Variants in RAPGEF5 observed in about 807,000 individuals in gnomAD.
RAPGEF5 encodes the protein Rap guanine nucleotide exchange factor 5, also known as M-Ras-regulated GEF.
In RAPGEF5, 65 loss-of-function variants were observed where a neutral mutation model predicts 125.2. That is an observed-to-expected ratio of 0.52 (90% CI 0.43 to 0.64). The LOEUF (loss-of-function observed/expected upper bound fraction) is 0.64. RAPGEF5 is among the 30% of genes least tolerant of loss of function. The probability of loss-of-function intolerance (pLI) is 0.00; values close to 1 mark genes in which losing one functional copy is unlikely to be tolerated. For synonymous variants in RAPGEF5, 391 were observed against 385.9 expected (o/e 1.01, Z -0.16); for missense variants, 958 against 1,048.1 (o/e 0.91, Z 1.19).
chr7:22,291,502 T>A (rs1205432799), intron 5 of RAPGEF5, among the ~76,000 whole-genome samples: 1 of 152,218 alleles, frequency 6.6e-6, no homozygotes, highest in Non-Finnish European at 1.5e-5. Flanking sequence ...CACCCCATGA[T>A]ACAGCAGAAT....
chr7:22,307,671 A>G (rs1365386293), intron 5 of RAPGEF5, among the ~76,000 whole-genome samples: 1 of 152,142 alleles, frequency 6.6e-6, no homozygotes, highest in Non-Finnish European at 1.5e-5. Context: ...GCCCCCGCTA[A>G]TATCATAGAA....
intron 11 of RAPGEF5, chr7:22,192,594 A>G (rs1231362931): frequency 6.6e-6 from 1 of 152,260 alleles, no homozygotes; most frequent in African/African-American, 2.4e-5. Flanking sequence ...TCAGAGGCCT[A>G]TTCATTGGAA....
intron 11 of RAPGEF5, among the ~76,000 whole-genome samples, chr7:22,176,775 C>T (rs991073420): frequency 6.6e-6 from 1 of 152,188 alleles, no homozygotes; most frequent in African/African-American, 2.4e-5. Context: ...AAATGATCCA[C>T]CCACCTCGGC....
intron 3 of RAPGEF5, among the ~76,000 whole-genome samples, chr7:22,311,027 GA>G (rs1351664290): frequency 2.6e-5 from 4 of 152,126 alleles, no homozygotes; most frequent in Admixed American, 6.5e-5. Flanking sequence ...AAAAGATCAT[GA>G]AAAAAAATTT....
chr7:22,342,621 AT>A (rs1308055721), intron 1 of RAPGEF5, among the ~76,000 whole-genome samples: 1 of 152,194 alleles, frequency 6.6e-6, no homozygotes, highest in East Asian at 1.9e-4. Context: ...CACCTCTTGA[AT>A]GCTTTGCTGC....
intron 10 of RAPGEF5, 126 bp from the exon 11 acceptor site, chr7:22,193,581 C>T: frequency 1.9e-6 from 3 of 1,551,460 alleles, no homozygotes; most frequent in Non-Finnish European, 2.6e-6. Context: ...TAGGCAAGGG[C>T]AGCTCTCGGT....
At chr7:22,268,382 G>A (rs1008908993) in intron 6 of RAPGEF5, among the ~76,000 whole-genome samples, 3 of 152,184 alleles carry the variant, frequency 2.0e-5, no homozygotes, top group African/African-American at 7.2e-5. Flanking sequence ...AGACAGAAGT[G>A]ATGAATGACC....
intron 24 of RAPGEF5, chr7:22,130,834 A>G (rs1302810238): frequency 6.1e-6 from 4 of 658,970 alleles, no homozygotes; most frequent in Non-Finnish European, 1.0e-5. Context: ...CCTTGCTAAC[A>G]TACTTGTTGT....
At chr7:22,273,670 C>A (rs1004994062) in intron 6 of RAPGEF5, among the ~76,000 whole-genome samples, 1 of 152,118 alleles carries the variant, frequency 6.6e-6, no homozygotes, top group African/African-American at 2.4e-5. Flanking sequence ...TAGTCTTCTA[C>A]GATTTTAAAC....
chr7:22,199,905 G>A (rs1785239095), intron 9 of RAPGEF5, among the ~76,000 whole-genome samples: 1 of 152,174 alleles, frequency 6.6e-6, no homozygotes, highest in Non-Finnish European at 1.5e-5. Flanking sequence ...CTGAAGCGGA[G>A]TGTATCAACA....
At position 22,179,614 on chromosome 7, in the gene RAPGEF5, T is replaced by C. The variant is rs566770829; in HGVS notation, c.1205-12466A>G. On this transcript the variant is annotated intron_variant, in intron 11 of 25. Transcript: ENST00000665637. ...AGGCATCCTAAACCACAGGGTGAGA[T>C]AGTACGTCTGCACAAGGTACAGGTC... is the stretch of plus-strand genomic sequence containing the variant. 5.9e-5 allele frequency among the ~76,000 whole-genome samples: 9 copies of C among 152,290 alleles called. No individual in the cohort carries two copies. The South Asian group carries it at 8.3e-4, about 14-fold the overall frequency.
intron 21 of RAPGEF5, 191 bp downstream of exon 21, chr7:22,139,834 C>G (rs1166576216): frequency 1.4e-5 from 7 of 507,922 alleles, no homozygotes; most frequent in Admixed American, 3.2e-5. Context: ...AGCTGGGGAG[C>G]ACGTTACCAT....
intron 5 of RAPGEF5, among the ~76,000 whole-genome samples, chr7:22,303,346 A>AT (rs1783256569): frequency 6.6e-6 from 1 of 152,066 alleles, no homozygotes; most frequent in Admixed American, 6.6e-5. Flanking sequence ...CTAATTATCT[A>AT]TTCAGTTTGG....
chr7:22,272,211 C>T (rs1286759330), intron 6 of RAPGEF5, among the ~76,000 whole-genome samples: 8 of 151,510 alleles, frequency 5.3e-5, no homozygotes, highest in Non-Finnish European at 8.8e-5. Context: ...GAGTATGGTG[C>T]ACGCACCCGT....
intron 14 of RAPGEF5, among the ~76,000 whole-genome samples, 191 bp from the exon 15 acceptor site, chr7:22,158,076 AGT>A (rs1783869758): frequency 6.6e-6 from 1 of 152,252 alleles, no homozygotes; most frequent in Non-Finnish European, 1.5e-5. Flanking sequence ...TGAGCCAGGA[AGT>A]AAAGAAGTTA....
chr7:22,238,962 A>G (rs1482172953), intron 7 of RAPGEF5, among the ~76,000 whole-genome samples: 1 of 152,226 alleles, frequency 6.6e-6, no homozygotes, highest in Non-Finnish European at 1.5e-5. Flanking sequence ...TTGAACAGAA[A>G]TGAGGCTGAA....
chr7:22,231,404 T>C (rs535797350), intron 7 of RAPGEF5, among the ~76,000 whole-genome samples: 95 of 152,300 alleles, frequency 6.2e-4, no homozygotes, highest in Non-Finnish European at 1.1e-3. Context: ...CGTATATCCC[T>C]TCCCAGCATC....
intron 8 of RAPGEF5, among the ~76,000 whole-genome samples, chr7:22,227,858 A>G (rs1461781021): frequency 2.0e-5 from 3 of 152,154 alleles, no homozygotes; most frequent in Admixed American, 1.3e-4. Flanking sequence ...TCAATCAGTC[A>G]ATTAATAACT....
intron 9 of RAPGEF5, among the ~76,000 whole-genome samples, chr7:22,214,408 T>A (rs1785582063): frequency 6.6e-6 from 1 of 152,188 alleles, no homozygotes; most frequent in Non-Finnish European, 1.5e-5. Flanking sequence ...ATACTGCTCA[T>A]TTCTACAGTT....
Sources: allele counts gnomAD v4.1 joint callset (sites outside exome capture counted in the v4.1 genomes callset), GRCh38; gene constraint gnomAD v4.1.1; transcripts MANE v1.5; gene names NCBI Gene and HGNC (gene_info 2026-07-23, HGNC 2026-07-21).